Variants in CHM observed in about 807,000 individuals in gnomAD.
CHM encodes the protein rab proteins geranylgeranyltransferase component A 1.
A neutral mutation model predicts 49.0 loss-of-function variants in CHM; 10 were observed. The ratio of observed to expected loss-of-function variants is 0.20; its 90% CI spans 0.13 to 0.35. CHM has a LOEUF of 0.35. Ranked by LOEUF, CHM falls within the 10% of genes least tolerant of loss-of-function variation. The pLI, the probability that CHM is intolerant of heterozygous loss-of-function variation, is 1.00. For missense variants in CHM, 455 were observed against 478.4 expected (o/e 0.95, Z 0.46); for synonymous variants, 184 against 167.5 (o/e 1.10, Z -0.76).
At chrX:85,992,668 G>A (rs183092877) in intron 2 of CHM, among the ~76,000 whole-genome samples, 104 of 112,171 alleles carry the variant, frequency 9.3e-4, no homozygotes, top group Non-Finnish European at 1.8e-3. Context: ...GACAAGGTAT[G>A]CAGAAGCAAT....
chrX:85,866,416 G>A (rs982665213), intron 14 of CHM, among the ~76,000 whole-genome samples: 2 of 112,742 alleles, frequency 1.8e-5, no homozygotes, highest in South Asian at 3.6e-4. Context: ...GTTAGGAAAC[G>A]CCTAGATGGC....
intron 8 of CHM, among the ~76,000 whole-genome samples, chrX:85,942,703 C>T (rs1270365307): frequency 9.1e-6 from 1 of 109,767 alleles, no homozygotes; most frequent in Non-Finnish European, 1.9e-5. Flanking sequence ...GGCTCTATGA[C>T]ACTGTGGGAG....
chrX:86,037,744 A>T (rs774959354), intron 1 of CHM, among the ~76,000 whole-genome samples: 2 of 111,845 alleles, frequency 1.8e-5, no homozygotes, highest in Non-Finnish European at 3.8e-5. Context: ...CAAAAAATAG[A>T]AATAAAAACT....
intron 8 of CHM, among the ~76,000 whole-genome samples, chrX:85,917,806 A>G (rs1481930267): frequency 1.5e-5 from 1 of 68,183 alleles, no homozygotes; most frequent in Non-Finnish European, 3.2e-5. Flanking sequence ...ATCTGAGGGA[A>G]AAAAAAAAAA....
At chrX:85,883,189 A>G (rs1304542572) in intron 12 of CHM, among the ~76,000 whole-genome samples, 1 of 111,614 alleles carries the variant, frequency 9.0e-6, no homozygotes, top group Non-Finnish European at 1.9e-5. Flanking sequence ...ACTCTATACA[A>G]GCAGGCAAAA....
chrX:85,910,853 C>T lies in CHM; in HGVS notation c.1244+408G>A, dbSNP rs1926885112. On this transcript the variant is annotated intron_variant, in intron 9 of 14. Transcript: ENST00000357749. ...AAATCAATTAGAGGAGGTAAGGCCA[C>T]AAGGAAAACTAACATCACTCATCAC... 1.9e-5 allele frequency among the ~76,000 whole-genome samples: 2 copies of T among 106,376 alleles called. 1 individual carries two copies. The highest frequency in any genetic ancestry group is 8.5e-4 in the South Asian group (2 of 2,352). The allele number at this position is 106,376 out of a possible 115,157, so 92.4% of individuals were successfully genotyped here.
intron 4 of CHM, chrX:85,969,224 A>C (rs1340867008): frequency 1.2e-5 from 9 of 733,411 alleles, no homozygotes; most frequent in Non-Finnish European, 1.4e-5. Flanking sequence ...AGTACAATGC[A>C]GAAAATAGGA....
rs58103002 is a variant in CHM at position 85,973,300 on chromosome X, C to CAAAAAAAAAAAAAAAAAA, written c.314+5449_314+5466dup. ...GTGACACAGTGAGACTCTGTCTCGA[C>CAAAAAAAAAAAAAAAAAA]AAAAAAAAAAAAAAAAAAAAAAAAA... On this transcript the variant is annotated intron_variant, in intron 4 of 14. Coordinates refer to ENST00000357749, the MANE Select transcript of CHM (RefSeq NM_000390.4). 1.1e-3 allele frequency among the ~76,000 whole-genome samples: 18 copies of CAAAAAAAAAAAAAAAAAA among 16,338 alleles called. 3 individuals are homozygous for CAAAAAAAAAAAAAAAAAA. The highest frequency in any genetic ancestry group is 1.3e-3 in the Non-Finnish European group (14 of 10,778). The allele number at this position is 16,338 out of a possible 115,157, so 14.2% of individuals were successfully genotyped here.
intron 8 of CHM, among the ~76,000 whole-genome samples, chrX:85,917,906 G>A (rs780615997): frequency 4.9e-4 from 54 of 111,031 alleles, no homozygotes; most frequent in South Asian, 3.8e-4. Flanking sequence ...TGAGAAATAT[G>A]GGACTACATA....
intron 2 of CHM, among the ~76,000 whole-genome samples, chrX:86,000,513 CAA>C (rs754600557): frequency 3.4e-3 from 198 of 58,864 alleles, no homozygotes; most frequent in African/African-American, 0.012. Context: ...GGAATATATT[CAA>C]AAAAAAAAAA....
In CHM at chrX:85,948,062, C is replaced by G. The variant is rs181816773; in HGVS notation, c.1166+8091G>C. On this transcript the variant is annotated intron_variant, in intron 8 of 14. Coordinates refer to ENST00000357749, the MANE Select transcript of CHM (RefSeq NM_000390.4). ...ACAAAATTAAGTAACAATCTCTGGG[C>G]AGTTCACATCTACACATAAAAAAAA... Among the ~76,000 whole-genome samples, 408 of 110,734 alleles carry G rather than the reference C, an allele frequency of 3.7e-3. 5 individuals are homozygous for G. The highest frequency in any genetic ancestry group is 0.035 in the Admixed American group (363 of 10,373).
intron 12 of CHM, among the ~76,000 whole-genome samples, chrX:85,890,423 T>C (rs1400815362): frequency 8.9e-6 from 1 of 111,750 alleles, no homozygotes; most frequent in Non-Finnish European, 1.9e-5. Context: ...AATCTCAACT[T>C]GAATTGTATC....
At chrX:85,898,557 T>C (rs1208045329) in intron 11 of CHM, among the ~76,000 whole-genome samples, 2 of 111,935 alleles carry the variant, frequency 1.8e-5, no homozygotes, top group Admixed American at 9.5e-5. Flanking sequence ...AAAGACCAGT[T>C]CCTCTCTCTT....
chrX:86,004,370 C>T (rs748053684), intron 2 of CHM, among the ~76,000 whole-genome samples: 2 of 111,687 alleles, frequency 1.8e-5, no homozygotes, highest in South Asian at 7.6e-4. Flanking sequence ...GGCAAAATAA[C>T]CAGCGAACAT....
chrX:85,985,548 C>T (rs1463946932), intron 2 of CHM, among the ~76,000 whole-genome samples: 2 of 112,068 alleles, frequency 1.8e-5, no homozygotes, highest in Non-Finnish European at 3.8e-5. Context: ...ATCACAGCTA[C>T]TCTACAAAAA....
At chrX:86,039,789 T>C (rs1368555091) in intron 1 of CHM, among the ~76,000 whole-genome samples, 1 of 111,299 alleles carries the variant, frequency 9.0e-6, no homozygotes, top group African/African-American at 3.3e-5. Context: ...AGAGAAGCAG[T>C]TGGACATTAG....
intron 2 of CHM, among the ~76,000 whole-genome samples, chrX:86,014,216 C>T (rs1244516086): frequency 1.8e-5 from 2 of 111,323 alleles, no homozygotes; most frequent in Non-Finnish European, 3.8e-5. Context: ...CTAAGAATTT[C>T]CAAAAGGAAG....
At chrX:86,044,602 C>T (rs908363437) in intron 1 of CHM, among the ~76,000 whole-genome samples, 6 of 111,863 alleles carry the variant, frequency 5.4e-5, no homozygotes, top group Non-Finnish European at 9.4e-5. Context: ...AAGTCACCTC[C>T]AGTGAGATGT....
intron 14 of CHM, among the ~76,000 whole-genome samples, chrX:85,870,238 A>G (rs970706179): frequency 3.6e-5 from 4 of 112,260 alleles, no homozygotes; most frequent in African/African-American, 1.3e-4. Flanking sequence ...ATGAGATGCT[A>G]AGGATAGAAT....
Sources: allele counts gnomAD v4.1 joint callset (sites outside exome capture counted in the v4.1 genomes callset), GRCh38; gene constraint gnomAD v4.1.1; transcripts MANE v1.5; gene names NCBI Gene and HGNC (gene_info 2026-07-23, HGNC 2026-07-21).